TCERG1: variants seen among roughly 807,000 people sequenced by gnomAD.
The protein encoded by TCERG1 is TATA box binding protein (TBP)-associated factor, RNA polymerase II, S, 150kD.
Under a neutral mutation model 144.7 loss-of-function variants are expected in TCERG1, and 37 were observed. That is an observed-to-expected ratio of 0.26 (90% CI 0.20 to 0.34). TCERG1 has a LOEUF of 0.34. Ranked by LOEUF, TCERG1 falls within the 10% of genes least tolerant of loss-of-function variation. The probability of loss-of-function intolerance (pLI) is 1.00; values close to 1 mark genes in which losing one functional copy is unlikely to be tolerated. For missense variants in TCERG1, 1,027 were observed against 1,380.7 expected (o/e 0.74, Z 4.06); for synonymous variants, 492 against 458.2 (o/e 1.07, Z -0.94).
chr5:146,501,212 T>C (rs947887029), intron 17 of TCERG1, among the ~76,000 whole-genome samples: 5 of 152,170 alleles, frequency 3.3e-5, no homozygotes, highest in African/African-American at 9.6e-5. Context: ...CTTCCCTCTC[T>C]TTTAAATTTC....
intron 8 of TCERG1, among the ~76,000 whole-genome samples, chr5:146,471,187 C>G (rs991786691): frequency 1.3e-5 from 2 of 152,172 alleles, no homozygotes; most frequent in Non-Finnish European, 2.9e-5. Context: ...GGAAAGCTAG[C>G]AGAAATAAGA....
intron 19 of TCERG1, among the ~76,000 whole-genome samples, chr5:146,506,700 C>T (rs548421652): frequency 6.6e-6 from 1 of 152,176 alleles, no homozygotes; most frequent in Non-Finnish European, 1.5e-5. Flanking sequence ...TGACCATCTA[C>T]TCTCTATTTC....
chr5:146,493,149 C>T, intron 16 of TCERG1, 111 bp downstream of exon 16: 1 of 770,640 alleles, frequency 1.3e-6, no homozygotes, highest in South Asian at 1.9e-5. Flanking sequence ...CTAAAAGCTC[C>T]TTATTTGATT....
At position 146,459,045 on chromosome 5, in the gene TCERG1, G is replaced by GGC. The variant is rs1763087439; in HGVS notation, c.601_602dup (p.Gln202HisfsTer161). ...AGGCCCAGGCGCAGGCTCAGGCCCA[G>GGC]GCACAAGCTCAGGCCCAGGCTCAGG... On this transcript the variant is annotated frameshift_variant, in exon 4 of 23. Transcript: ENST00000679501. LOFTEE classifies it high-confidence loss of function. 6.2e-7 allele frequency: 1 copy of GGC among 1,603,466 alleles called. No individual in the cohort carries two copies. Among genetic ancestry groups the GGC allele is most frequent in the East Asian group, 2.2e-5 (1 of 44,670 alleles).
chr5:146,475,178 G>A (rs1764719008), intron 9 of TCERG1, among the ~76,000 whole-genome samples: 1 of 152,116 alleles, frequency 6.6e-6, no homozygotes, highest in Non-Finnish European at 1.5e-5. Context: ...AGAAATAAAT[G>A]TTTTTCCTAT....
chr5:146,488,846 G>A (rs1242118952), intron 15 of TCERG1, among the ~76,000 whole-genome samples: 1 of 152,136 alleles, frequency 6.6e-6, no homozygotes, highest in Admixed American at 6.5e-5. Context: ...ACAGATGACT[G>A]GATAAAGAAA....
chr5:146,496,820 A>G (rs1766945740), intron 16 of TCERG1, among the ~76,000 whole-genome samples: 1 of 149,718 alleles, frequency 6.7e-6, no homozygotes. Flanking sequence ...GTGTGCCACC[A>G]TGCCCAACCA....
Position 146,510,748 on chromosome 5 carries a change from A to G in TCERG1, c.*106A>G. The G allele has an allele frequency of 2.8e-6, 3 of 1,069,038 alleles. No individual in the cohort carries two copies. Among genetic ancestry groups the G allele is most frequent in the Non-Finnish European group, 3.9e-6 (3 of 764,910 alleles). 66.2% of individuals were successfully genotyped at this position (1,069,038 alleles called of 1,614,324 possible). ...AGTCAACCTATTGCGAAACCATCTG[A>G]CAAACAGAAGGAGAAGCATTTGTGA... On this transcript the variant is annotated 3_prime_UTR_variant, in exon 23 of 23. Coordinates refer to ENST00000679501, the MANE Select transcript of TCERG1 (RefSeq NM_001382548.1).
rs758684359 is a variant in TCERG1 at position 146,479,902 on chromosome 5, A to G, written c.1810A>G (p.Met604Val). Reference sequence around the variant, plus strand: ...GTCGATCCAAAAGTGGCAATTCTCTATGAGTGCAAGTGAGTGAACTAACCA... The same window carrying G: ...GTCGATCCAAAAGTGGCAATTCTCTGTGAGTGCAAGTGAGTGAACTAACCA... ...MLSIQKWQFSMSAIKEEQELM... is the reference protein window; with the variant it reads ...MLSIQKWQFSVSAIKEEQELM... The change falls in exon 11 of 23, where the codon ATG becomes GTG. Residue 604 changes from methionine to valine, a missense_variant. By Grantham distance (21) the Met-to-Val change is conservative. This residue lies in a region of TCERG1 where 482 missense variants were observed against 632.6 expected (regional missense o/e 0.76). Transcript: ENST00000679501. The G allele has an allele frequency of 1.2e-6, 2 of 1,613,470 alleles. No homozygotes were observed. The highest frequency in any genetic ancestry group is 1.7e-6 in the Non-Finnish European group (2 of 1,179,596).
Position 146,507,970 on chromosome 5 carries a change from G to C in TCERG1, c.3045+14G>C. 1.3e-6 allele frequency: 2 copies of C among 1,587,180 alleles called. No homozygotes were observed. The highest frequency in any genetic ancestry group is 2.3e-5 in the East Asian group (1 of 44,294). On this transcript the variant is annotated intron_variant, in intron 21 of 22. Coordinates refer to ENST00000679501, the MANE Select transcript of TCERG1 (RefSeq NM_001382548.1). The surrounding 1 kb of genome is among the most constrained non-coding windows in gnomAD (Gnocchi z 4.6). Reference sequence around the variant, plus strand: ...TCCAGTGACAGGGTAAGAGGATTTTGTGTCGAGATTTACTGTCAGTCTATA... The same window carrying C: ...TCCAGTGACAGGGTAAGAGGATTTTCTGTCGAGATTTACTGTCAGTCTATA...
chr5:146,504,168 T>A (rs1021302419), intron 19 of TCERG1, 162 bp downstream of exon 19: 131 of 708,288 alleles, frequency 1.8e-4, no homozygotes, highest in Admixed American at 3.4e-4. Flanking sequence ...ACTGTTAGTA[T>A]AGGAAAAAAC....
intron 17 of TCERG1, among the ~76,000 whole-genome samples, chr5:146,500,666 A>C (rs1338950892): frequency 6.6e-6 from 1 of 152,178 alleles, no homozygotes; most frequent in African/African-American, 2.4e-5. Context: ...TCACAGTAAG[A>C]GCATCATTTT....
chr5:146,451,471 C>G (rs1762336138), intron 1 of TCERG1, among the ~76,000 whole-genome samples: 1 of 151,794 alleles, frequency 6.6e-6, no homozygotes, highest in Non-Finnish European at 1.5e-5. Context: ...TACAGGGAAG[C>G]ACCACCACAC....
In TCERG1 at chr5:146,459,133, C is replaced by CA. The variant is rs1763116595; in HGVS notation, c.689dup (p.Ala231GlyfsTer35). 2.5e-6 allele frequency: 4 copies of CA among 1,604,654 alleles called. No individual in the cohort carries two copies. The highest frequency in any genetic ancestry group is 1.3e-5 in the African/African-American group (1 of 74,666). ...CCAAGCCCAAGCCCAGGCCCAGGCT[C>CA]AGGCTCAGGCACAAGCTCAGGCCCA... On this transcript the variant is annotated frameshift_variant, in exon 4 of 23. Transcript: ENST00000679501. LOFTEE classifies it high-confidence loss of function.
intron 1 of TCERG1, among the ~76,000 whole-genome samples, chr5:146,448,961 CTG>C (rs1430017936): frequency 1.3e-5 from 2 of 152,166 alleles, no homozygotes; most frequent in African/African-American, 4.8e-5. Context: ...AGTCTAGACA[CTG>C]TTGCACAACT....
At chr5:146,502,436 A>G (rs1184328944) in intron 17 of TCERG1, among the ~76,000 whole-genome samples, 1 of 152,190 alleles carries the variant, frequency 6.6e-6, no homozygotes, top group Non-Finnish European at 1.5e-5. Flanking sequence ...AAAGTAGTAT[A>G]CATGGGATTA....
intron 17 of TCERG1, among the ~76,000 whole-genome samples, chr5:146,501,739 G>A (rs1335493431): frequency 6.6e-6 from 1 of 152,140 alleles, no homozygotes; most frequent in African/African-American, 2.4e-5. Context: ...GGGTTTATGA[G>A]TATTTCTTAT....
At chr5:146,474,232 A>T (rs568417965) in intron 9 of TCERG1, among the ~76,000 whole-genome samples, 1 of 152,310 alleles carries the variant, frequency 6.6e-6, no homozygotes, top group African/African-American at 2.4e-5. Flanking sequence ...CTCATGGATG[A>T]TTTTGAGGAA....
rs1221307610 is a variant in TCERG1, at chr5:146,447,356, G to C, written c.7G>C (p.Glu3Gln). 1.2e-6 allele frequency: 2 copies of C among 1,612,142 alleles called. No individual in the cohort carries two copies. The highest frequency in any genetic ancestry group is 1.7e-6 in the Non-Finnish European group (2 of 1,179,280). The change falls in exon 1 of 23, where the codon GAG becomes CAG. Residue 3 changes from glutamate to glutamine, a missense_variant. Glu to Gln is a conservative substitution (Grantham distance 29). Around this residue, in one of 6 missense-constraint regions of TCERG1, gnomAD observed 175 missense variants for 197.0 expected, o/e 0.89. Coordinates refer to ENST00000679501, the MANE Select transcript of TCERG1 (RefSeq NM_001382548.1). Reference sequence around the variant, plus strand: ...ATGAACGCGGCCCTCTGTAATGGCGGAGCGTGGCGGGGACGGGGGCGAGAG... The same window carrying C: ...ATGAACGCGGCCCTCTGTAATGGCGCAGCGTGGCGGGGACGGGGGCGAGAG... MA[E>Q]RGGDGGESER...
Sources: gnomAD v4.1 joint callset for allele counts (sites outside exome capture counted in the v4.1 genomes callset) on GRCh38, gnomAD v4.1.1 for gene constraint, gnomAD v4.1.1 regional missense constraint, Gnocchi (gnomAD v3.1) non-coding constraint, MANE v1.5 for transcripts, NCBI Gene and HGNC (gene_info 2026-07-23, HGNC 2026-07-21) for gene names.